CACNA1C: variants seen among roughly 807,000 people sequenced by gnomAD.
CACNA1C encodes voltage-dependent L-type calcium channel subunit alpha-1C.
Under a neutral mutation model 229.0 loss-of-function variants are expected in CACNA1C, and 30 were observed. The observed-to-expected ratio is 0.13, with a 90% confidence interval of 0.10 to 0.18. CACNA1C has a LOEUF of 0.18. CACNA1C is among the 10% of genes least tolerant of loss of function. The probability of loss-of-function intolerance (pLI) is 1.00; values close to 1 mark genes in which losing one functional copy is unlikely to be tolerated. For missense variants in CACNA1C, 1,658 were observed against 2,845.0 expected, an observed-to-expected ratio of 0.58 and a Z score of 9.49; for synonymous variants, 1,114 against 1,132.5, an observed-to-expected ratio of 0.98 and a Z score of 0.33.
intron 3 of CACNA1C, among the ~76,000 whole-genome samples, chr12:2,272,395 C>G (rs779596168): frequency 4.6e-5 from 7 of 152,184 alleles, no homozygotes; most frequent in Non-Finnish European, 8.8e-5. Context: ...TGCCTCCTGC[C>G]TCCTCCTGCT....
rs2094173574 is a variant in CACNA1C at position 2,297,638 on chromosome 12, G to A, written c.478-151338G>A. 2.6e-5 allele frequency among the ~76,000 whole-genome samples: 4 copies of A among 152,308 alleles called. No individual in the cohort carries two copies. The South Asian group carries it at 8.3e-4, about 32-fold the overall frequency. On this transcript the variant is annotated intron_variant, in intron 3 of 46. Transcript: ENST00000399655. ...GCTTGTGAATTTTACAAGTGATACTGTGACATCGAAAGCATTCCATTGCGT... is the reference window on the plus strand; with the variant it reads ...GCTTGTGAATTTTACAAGTGATACTATGACATCGAAAGCATTCCATTGCGT...
chr12:2,509,809 GC>G (rs1185981738), intron 8 of CACNA1C, among the ~76,000 whole-genome samples: 7 of 152,174 alleles, frequency 4.6e-5, no homozygotes, highest in Non-Finnish European at 1.0e-4. Flanking sequence ...AACTCTACAT[GC>G]CCCTTGTTTG....
chr12:2,033,021 G>A (rs1222743578), intron 1 of CACNA1C, among the ~76,000 whole-genome samples: 1 of 152,196 alleles, frequency 6.6e-6, no homozygotes, highest in Non-Finnish European at 1.5e-5. Flanking sequence ...TAAACTGAAG[G>A]TAGGGGGTGG....
intron 28 of CACNA1C, 117 bp downstream of exon 28, chr12:2,610,816 G>T: frequency 9.8e-7 from 1 of 1,016,088 alleles, no homozygotes. Flanking sequence ...ACCAAGGGAG[G>T]CATTTGGAGA....
intron 3 of CACNA1C, among the ~76,000 whole-genome samples, chr12:2,178,648 A>G (rs559203977): frequency 1.6e-4 from 25 of 152,178 alleles, no homozygotes; most frequent in African/African-American, 5.5e-4. Context: ...AGACTCTCCG[A>G]CTTCCTTCAT....
chr12:2,251,784 G>A (rs1031945315), intron 3 of CACNA1C, among the ~76,000 whole-genome samples: 10 of 152,274 alleles, frequency 6.6e-5, no homozygotes, highest in East Asian at 3.9e-4. Context: ...AAAATGTTTC[G>A]GAAATCAGAA....
At chr12:2,096,350 C>T (rs541627297) in intron 1 of CACNA1C, among the ~76,000 whole-genome samples, 63 of 152,282 alleles carry the variant, frequency 4.1e-4, no homozygotes, top group South Asian at 8.3e-4. Context: ...GAGGGCTTGC[C>T]GGAAGCACTT....
intron 3 of CACNA1C, among the ~76,000 whole-genome samples, chr12:2,371,642 G>A (rs1247123903): frequency 6.7e-6 from 1 of 149,528 alleles, no homozygotes; most frequent in East Asian, 2.0e-4. Flanking sequence ...GAAATAAGGA[G>A]ATATTCTTAA....
intron 3 of CACNA1C, among the ~76,000 whole-genome samples, chr12:2,368,179 A>G (rs995633371): frequency 5.0e-5 from 2 of 40,158 alleles, no homozygotes; most frequent in Non-Finnish European, 9.8e-5. Flanking sequence ...AATATGATAA[A>G]GAATGTATCT....
At chr12:2,366,906 A>G (rs564567013) in intron 3 of CACNA1C, among the ~76,000 whole-genome samples, 3 of 152,298 alleles carry the variant, frequency 2.0e-5, no homozygotes, top group African/African-American at 4.8e-5. Flanking sequence ...GCGCATGCAC[A>G]AAGGGGAAAG....
At chr12:2,200,916 G>T (rs1382119537) in intron 3 of CACNA1C, among the ~76,000 whole-genome samples, 1 of 152,152 alleles carries the variant, frequency 6.6e-6, no homozygotes, top group East Asian at 1.9e-4. Context: ...TTCAAAGAGG[G>T]CCATTCACTC....
chr12:2,146,709 A>C (rs1008985589), intron 3 of CACNA1C, among the ~76,000 whole-genome samples: 3 of 151,240 alleles, frequency 2.0e-5, no homozygotes, highest in Non-Finnish European at 4.4e-5. Flanking sequence ...TCAGTACCCC[A>C]TTCTGTTTAC....
intron 3 of CACNA1C, among the ~76,000 whole-genome samples, chr12:2,247,680 A>G (rs1185298826): frequency 6.6e-6 from 1 of 152,176 alleles, no homozygotes; most frequent in Non-Finnish European, 1.5e-5. Flanking sequence ...ACAAAAGGAA[A>G]CTTTTGCTGA....
intron 3 of CACNA1C, among the ~76,000 whole-genome samples, chr12:2,171,676 T>TGAAGA (rs1475547160): frequency 6.6e-6 from 1 of 152,180 alleles, no homozygotes; most frequent in Admixed American, 6.5e-5. Flanking sequence ...AAGAATAGCA[T>TGAAGA]AGACAAGGCT....
chr12:2,615,561 C>T (rs1036547587), intron 29 of CACNA1C, among the ~76,000 whole-genome samples: 2 of 151,442 alleles, frequency 1.3e-5, no homozygotes, highest in Non-Finnish European at 2.9e-5. Flanking sequence ...CTCCCAATTG[C>T]ACTTTGCTGG....
chr12:2,536,900 A>G (rs1206748863), intron 9 of CACNA1C, among the ~76,000 whole-genome samples: 1 of 152,204 alleles, frequency 6.6e-6, no homozygotes, highest in Non-Finnish European at 1.5e-5. Flanking sequence ...GACTGTGATG[A>G]TGTCATGATT....
intron 3 of CACNA1C, among the ~76,000 whole-genome samples, chr12:2,310,352 A>ATATATATATATATAT (rs1555425896): frequency 7.2e-6 from 1 of 139,828 alleles, no homozygotes; most frequent in African/African-American, 2.7e-5. Flanking sequence ...TAAAAAAAAA[A>ATATATATATATATAT]ATATATATAT....
At chr12:2,578,542 G>T (rs375320242) in intron 13 of CACNA1C, among the ~76,000 whole-genome samples, 1 of 152,116 alleles carries the variant, frequency 6.6e-6, no homozygotes, top group Non-Finnish European at 1.5e-5. Context: ...TGCCCGGAGC[G>T]GGGGTCCAGG....
rs913427845 is a variant in CACNA1C at position 2,035,603 on chromosome 12, C to G, written c.139+64402C>G. Among the ~76,000 whole-genome samples, 8 of 152,240 alleles carry G rather than the reference C, an allele frequency of 5.3e-5. 1 individual carries two copies. Among genetic ancestry groups the G allele is most frequent in the Admixed American group, 5.2e-4 (8 of 15,290 alleles). ...CTCCCACGCTGTGTAAGTGCGCGGA[C>G]TCATCTGAGTGCCACTAGGGGACAC... On this transcript the variant is annotated intron_variant, in intron 1 of 46. Transcript: ENST00000682462.
Sources: allele counts gnomAD v4.1 joint callset (sites outside exome capture counted in the v4.1 genomes callset), GRCh38; gene constraint gnomAD v4.1.1; transcripts MANE v1.5; gene names NCBI Gene and HGNC (gene_info 2026-07-23, HGNC 2026-07-21).